HDAC4: variants seen among roughly 807,000 people sequenced by gnomAD.
The protein encoded by HDAC4 is histone deacetylase 4, also known as histone deacetylase A.
Under a neutral mutation model 135.1 loss-of-function variants are expected in HDAC4, and 16 were observed. That is an observed-to-expected ratio of 0.12 (90% CI 0.08 to 0.18). HDAC4 has a LOEUF of 0.18. Ranked by LOEUF, HDAC4 falls within the 10% of genes least tolerant of loss-of-function variation. HDAC4 has a pLI of 1.00. For synonymous variants in HDAC4, 685 were observed against 653.4 expected (o/e 1.05, Z -0.74); for missense variants, 1,143 against 1,511.8 (o/e 0.76, Z 4.05).
intron 19 of HDAC4, among the ~76,000 whole-genome samples, chr2:239,084,885 C>A (rs544150379): frequency 3.1e-4 from 47 of 151,272 alleles, no homozygotes; most frequent in African/African-American, 9.5e-4. Context: ...CATACCCACC[C>A]CCCCCACGTA....
chr2:239,313,106 G>A lies in HDAC4; in HGVS notation c.22+39572C>T, dbSNP rs1009942333. Reference sequence around the variant, plus strand: ...TTCACTCAGGCTTGGGCTCTGTCCCGTGCCTCCCCGGGGGCGTTCCGAGGT... The same window carrying A: ...TTCACTCAGGCTTGGGCTCTGTCCCATGCCTCCCCGGGGGCGTTCCGAGGT... On this transcript the variant is annotated intron_variant, in intron 2 of 26. Transcript: ENST00000543185. The surrounding 1 kb of genome is among the most constrained non-coding windows in gnomAD (Gnocchi z 5.1). Among the ~76,000 whole-genome samples, 36 of 152,182 alleles carry A rather than the reference G, an allele frequency of 2.4e-4. No individual in the cohort carries two copies. Among genetic ancestry groups the A allele is most frequent in the Admixed American group, 2.4e-3 (36 of 15,284 alleles).
chr2:239,226,333 G>C (rs1191449820), intron 3 of HDAC4, among the ~76,000 whole-genome samples: 1 of 152,030 alleles, frequency 6.6e-6, no homozygotes, highest in Non-Finnish European at 1.5e-5. Context: ...TAGAACTGTG[G>C]AATCCTCCCT....
intron 4 of HDAC4, among the ~76,000 whole-genome samples, chr2:239,183,921 G>A (rs843469): frequency 0.85 from 128,302 of 151,732 alleles, 54,471 homozygotes; most frequent in South Asian, 0.97. Context: ...GTTCCTTTCC[G>A]TGTTAGTTCC....
intron 12 of HDAC4, among the ~76,000 whole-genome samples, chr2:239,120,382 G>GGGACACACAGAC (rs146099006): frequency 6.7e-6 from 1 of 149,956 alleles, no homozygotes; most frequent in Non-Finnish European, 1.5e-5. Flanking sequence ...TACCCGCAGA[G>GGGACACACAGAC]GCACACACAG....
At chr2:239,387,828 C>G (rs745910841) in intron 1 of HDAC4, among the ~76,000 whole-genome samples, 3 of 152,102 alleles carry the variant, frequency 2.0e-5, no homozygotes, top group Non-Finnish European at 2.9e-5. Flanking sequence ...GGAGGAGCCG[C>G]GCCTCCTGCC....
chr2:239,116,136 T>C (rs2039114358), intron 12 of HDAC4, among the ~76,000 whole-genome samples: 1 of 152,178 alleles, frequency 6.6e-6, no homozygotes. Flanking sequence ...CGCCTGCTCC[T>C]CCGTCTTGGT....
chr2:239,136,400 C>A lies in HDAC4; in HGVS notation c.979-1757G>T, dbSNP rs568391406. Among the ~76,000 whole-genome samples, 23 of 152,278 alleles carry A rather than the reference C, an allele frequency of 1.5e-4. No homozygotes were observed. The South Asian group carries it at 4.6e-3, about 30-fold the overall frequency. On this transcript the variant is annotated intron_variant, in intron 9 of 26. Coordinates refer to ENST00000543185, the MANE Select transcript of HDAC4 (RefSeq NM_001378414.1). ...TCCTTTTTGATGGCTGCATGGTATTCCACTGTGTACAGCACCACATTTTCT... is the reference window on the plus strand; with the variant it reads ...TCCTTTTTGATGGCTGCATGGTATTACACTGTGTACAGCACCACATTTTCT...
At position 239,051,577 on chromosome 2, in the gene HDAC4, A is replaced by T. The variant is rs2030855798; in HGVS notation, c.*1520T>A. The stretch of plus-strand genomic sequence containing the variant: ...AAAATTCATACAAAAATCAACAGCA[A>T]ATTTATATTCTTTGCTATAAAAACT... On this transcript the variant is annotated 3_prime_UTR_variant, in exon 27 of 27. Transcript: ENST00000543185. 6.6e-6 allele frequency: 1 copy of T among 152,642 alleles called. No homozygotes were observed. The highest frequency in any genetic ancestry group is 6.5e-5 in the Admixed American group (1 of 15,288). The allele number at this position is 152,642 out of a possible 1,614,324, so 9.5% of individuals were successfully genotyped here.
At chr2:239,244,704 G>A (rs910832170) in intron 2 of HDAC4, among the ~76,000 whole-genome samples, 3 of 152,102 alleles carry the variant, frequency 2.0e-5, no homozygotes, top group African/African-American at 7.2e-5. Context: ...ACCCCCAGAG[G>A]GGTCTCCATC....
rs2048430116 is a variant in HDAC4, at chr2:239,245,862, T to C, written c.23-9198A>G. ...GAATATCCCAACAGTCTTCAGTTCA[T>C]CCCCAGCCCCTATGTGTTCAAGCAG... On this transcript the variant is annotated intron_variant, in intron 2 of 26. Coordinates refer to ENST00000543185, the MANE Select transcript of HDAC4 (RefSeq NM_001378414.1). This position sits in a 1 kb window ranked among gnomAD's most constrained non-coding sequence, Gnocchi z 4.4. Among the ~76,000 whole-genome samples, 1 of 152,134 alleles carries C rather than the reference T, an allele frequency of 6.6e-6. No individual in the cohort carries two copies. The highest frequency in any genetic ancestry group is 2.4e-5 in the African/African-American group (1 of 41,426).
intron 2 of HDAC4, among the ~76,000 whole-genome samples, chr2:239,304,408 T>C (rs1221298592): frequency 6.6e-6 from 1 of 152,190 alleles, no homozygotes; most frequent in Admixed American, 6.5e-5. Flanking sequence ...TGGTGTTACT[T>C]TCATTATTAA....
chr2:239,061,484 A>G (rs2032727293), intron 24 of HDAC4, among the ~76,000 whole-genome samples: 1 of 145,530 alleles, frequency 6.9e-6, no homozygotes, highest in Non-Finnish European at 1.5e-5. Flanking sequence ...CGTGCATGAG[A>G]GGGTGCACGT....
At chr2:239,238,235 TAATA>T (rs1473872732) in intron 2 of HDAC4, among the ~76,000 whole-genome samples, 1 of 152,154 alleles carries the variant, frequency 6.6e-6, no homozygotes, top group African/African-American at 2.4e-5. Flanking sequence ...TTCATTTTTA[TAATA>T]AATAAAAATA....
chr2:239,392,175 G>C (rs998205287), intron 1 of HDAC4, among the ~76,000 whole-genome samples: 18 of 152,228 alleles, frequency 1.2e-4, no homozygotes, highest in African/African-American at 4.3e-4. Context: ...CAGGTCAGCT[G>C]CTGCCCCAGC....
intron 1 of HDAC4, among the ~76,000 whole-genome samples, chr2:239,367,936 C>G (rs1694329345): frequency 6.6e-6 from 1 of 152,110 alleles, no homozygotes; most frequent in African/African-American, 2.4e-5. Flanking sequence ...CGAGACCACA[C>G]CACTGCACTC....
intron 2 of HDAC4, among the ~76,000 whole-genome samples, chr2:239,334,415 G>C (rs972821826): frequency 6.6e-6 from 1 of 152,120 alleles, no homozygotes; most frequent in Admixed American, 6.5e-5. Context: ...CAGGTACTCA[G>C]GAGGCTAAGG....
In HDAC4 at chr2:239,400,485, A is replaced by G. The variant is rs2126146427; in HGVS notation, c.-220+493T>C. On this transcript the variant is annotated intron_variant, in intron 1 of 26. Coordinates refer to ENST00000543185, the MANE Select transcript of HDAC4 (RefSeq NM_001378414.1). The surrounding 1 kb of genome is among the most constrained non-coding windows in gnomAD (Gnocchi z 4.7). ...AAGCCGCCTCGCGGCGCGGGTGGAA[A>G]GGTCCAGAAGGGGCCGGGCGGCCCT... is the stretch of plus-strand genomic sequence containing the variant. The G allele has an allele frequency of 6.9e-6, 1 of 145,688 alleles. No individual in the cohort carries two copies. Among genetic ancestry groups the G allele is most frequent in the South Asian group, 2.1e-4 (1 of 4,794 alleles). 9.0% of individuals were successfully genotyped at this position (145,688 alleles called of 1,614,324 possible).
intron 4 of HDAC4, among the ~76,000 whole-genome samples, chr2:239,183,024 C>T (rs777424619): frequency 1.8e-4 from 28 of 152,336 alleles, no homozygotes; most frequent in African/African-American, 4.6e-4. Flanking sequence ...TAACTTTACA[C>T]GTCAGACTAC....
intron 6 of HDAC4, among the ~76,000 whole-genome samples, chr2:239,161,081 A>G (rs747494561): frequency 4.6e-5 from 7 of 152,122 alleles, no homozygotes; most frequent in Non-Finnish European, 1.5e-5. Flanking sequence ...GGCCATCCCC[A>G]TGCCTTTTTT....
Sources: allele counts gnomAD v4.1 joint callset (sites outside exome capture counted in the v4.1 genomes callset), GRCh38; gene constraint gnomAD v4.1.1; non-coding constraint Gnocchi (gnomAD v3.1); transcripts MANE v1.5; gene names NCBI Gene and HGNC (gene_info 2026-07-23, HGNC 2026-07-21).